The following CYTH1 variants were observed in gnomAD, a reference collection of about 807,000 sequenced individuals.
CYTH1 encodes cytohesin 1, also known as cytohesin-1.
CYTH1 carries 18 observed loss-of-function variants against 61.8 expected under a neutral mutation model. The ratio of observed to expected loss-of-function variants is 0.29; its 90% confidence interval spans 0.20 to 0.43. The LOEUF is 0.43. CYTH1 is among the 20% of genes least tolerant of loss of function. The pLI is 1.00. For missense variants in CYTH1, 336 were observed against 510.5 expected, an observed-to-expected ratio of 0.66 and a Z score of 3.29; for synonymous variants, 174 against 184.3, an observed-to-expected ratio of 0.94 and a Z score of 0.45.
chr17:78,718,952 G>A (rs2093205656), intron 1 of CYTH1, among the ~76,000 whole-genome samples: 2 of 152,218 alleles, frequency 1.3e-5, no homozygotes, highest in Non-Finnish European at 2.9e-5. Context: ...TGCCTACTAG[G>A]TGGAAGGCAG....
intron 1 of CYTH1, among the ~76,000 whole-genome samples, chr17:78,734,413 TGTAC>T (rs758285818): frequency 5.9e-5 from 2 of 33,840 alleles, no homozygotes; most frequent in Non-Finnish European, 5.5e-5. Flanking sequence ...AATGTACCAA[TGTAC>T]CAGGTAAAAA....
At chr17:78,762,279 T>C (rs1326035895) in intron 1 of CYTH1, among the ~76,000 whole-genome samples, 1 of 152,176 alleles carries the variant, frequency 6.6e-6, no homozygotes. Context: ...CAGCAGAATA[T>C]AGAGTGGAAA....
intron 1 of CYTH1, among the ~76,000 whole-genome samples, chr17:78,774,466 T>C (rs544445104): frequency 2.0e-5 from 3 of 152,276 alleles, no homozygotes; most frequent in Admixed American, 6.5e-5. Flanking sequence ...TGGTTTCTGT[T>C]TGAAATGGAG....
rs142007379 is a variant in CYTH1 at position 78,680,996 on chromosome 17, C to T, written c.938G>A (p.Arg313Gln). Reference sequence around the variant, plus strand: ...TGGTTTTTTGGAGTCCTCCACTTCCCGGATACTCAGATTCTCTAAAGGGAT... The same window carrying T: ...TGGTTTTTTGGAGTCCTCCACTTCCTGGATACTCAGATTCTCTAAAGGGAT... ...GIIPLENLSI[R>Q]EVEDSKKPNC... is the part of the protein sequence containing the mutation. Residue 313 changes from arginine (R) to glutamine (Q), a missense_variant, in exon 12 of 14, where the codon CGG becomes CAG. By Grantham distance (43) the Arg-to-Gln change is conservative. This residue lies in a region of CYTH1 where 83 missense variants were observed against 115.6 expected (regional missense o/e 0.72). Transcript: ENST00000446868. The T allele has an allele frequency of 1.4e-5, 23 of 1,614,104 alleles. No individual in the cohort carries two copies. The highest frequency in any genetic ancestry group is 1.9e-5 in the Non-Finnish European group (23 of 1,180,018).
chr17:78,677,135 T>C (rs534130603), intron 13 of CYTH1: 3 of 452,946 alleles, frequency 6.6e-6, no homozygotes, highest in Non-Finnish European at 1.3e-5. Flanking sequence ...ACTAGAAACA[T>C]GTCCCGATGG....
At chr17:78,772,600 C>A (rs534774244) in intron 1 of CYTH1, among the ~76,000 whole-genome samples, 1 of 152,130 alleles carries the variant, frequency 6.6e-6, no homozygotes, top group Non-Finnish European at 1.5e-5. Context: ...TGCAGTGGCG[C>A]GATCTCGGCT....
At chr17:78,703,487 G>A (rs1226059626) in intron 3 of CYTH1, among the ~76,000 whole-genome samples, 2 of 148,348 alleles carry the variant, frequency 1.3e-5, no homozygotes, top group Admixed American at 6.7e-5. Flanking sequence ...GTACATATTT[G>A]AATTTTTAGT....
chr17:78,684,586 T>G (rs779072975), intron 11 of CYTH1, among the ~76,000 whole-genome samples: 13 of 152,242 alleles, frequency 8.5e-5, no homozygotes, highest in Non-Finnish European at 1.8e-4. Flanking sequence ...TATAAAGAAC[T>G]AAATATTGTA....
chr17:78,702,689 C>T (rs1228563219), intron 3 of CYTH1, 85 bp from the exon 4 acceptor site: 5 of 1,413,706 alleles, frequency 3.5e-6, no homozygotes, highest in African/African-American at 1.4e-5. Context: ...CTGATTTACA[C>T]AGGTTTTTGA....
intron 1 of CYTH1, among the ~76,000 whole-genome samples, chr17:78,778,887 C>T (rs1036952926): frequency 1.3e-5 from 2 of 152,122 alleles, no homozygotes; most frequent in African/African-American, 2.4e-5. Context: ...CACACATTTC[C>T]TTTTACAATG....
At chr17:78,684,208 T>C (rs1451589563) in intron 11 of CYTH1, among the ~76,000 whole-genome samples, 1 of 152,214 alleles carries the variant, frequency 6.6e-6, no homozygotes, top group East Asian at 1.9e-4. Flanking sequence ...CTCCTCGCTC[T>C]TCTCAGCACA....
intron 1 of CYTH1, among the ~76,000 whole-genome samples, chr17:78,781,010 A>AAAAAT (rs750463897): frequency 1.7e-4 from 26 of 151,852 alleles, no homozygotes; most frequent in Non-Finnish European, 2.5e-4. Context: ...ACTCCGTTTC[A>AAAAAT]AAAATAAAAT....
At chr17:78,737,237 C>G (rs1489326123) in intron 1 of CYTH1, among the ~76,000 whole-genome samples, 1 of 152,190 alleles carries the variant, frequency 6.6e-6, no homozygotes, top group Non-Finnish European at 1.5e-5. Context: ...ATAAGCTACA[C>G]AAATCCACTC....
chr17:78,747,383 G>A lies in CYTH1; in HGVS notation c.22+34819C>T, dbSNP rs76098480. Among the ~76,000 whole-genome samples, 888 of 152,180 alleles carry A rather than the reference G, an allele frequency of 5.8e-3. 38 individuals are homozygous for A. In the East Asian group the frequency reaches 0.11, roughly 19 times the overall value. Reference sequence around the variant, plus strand: ...TGGGGAGACTCAAATACTGCACTGCGGTCCCAATCTTGAAGGATCTAGAGG... The same window carrying A: ...TGGGGAGACTCAAATACTGCACTGCAGTCCCAATCTTGAAGGATCTAGAGG... On this transcript the variant is annotated intron_variant, in intron 1 of 13. Transcript: ENST00000446868.
At chr17:78,712,141 G>C (rs2093139629) in intron 1 of CYTH1, among the ~76,000 whole-genome samples, 1 of 90,920 alleles carries the variant, frequency 1.1e-5, no homozygotes, top group African/African-American at 4.2e-5. Flanking sequence ...AGGAAGGAAG[G>C]GAAGGAGGAA....
At chr17:78,732,508 T>C (rs760551872) in intron 1 of CYTH1, among the ~76,000 whole-genome samples, 2 of 152,224 alleles carry the variant, frequency 1.3e-5, no homozygotes, top group African/African-American at 4.8e-5. Flanking sequence ...GGAAAGCCTA[T>C]AAAATTCAAA....
At chr17:78,748,066 G>A (rs1291326459) in intron 1 of CYTH1, among the ~76,000 whole-genome samples, 1 of 151,856 alleles carries the variant, frequency 6.6e-6, no homozygotes, top group African/African-American at 2.4e-5. Flanking sequence ...CTACTTTTCT[G>A]AACCCTACCC....
chr17:78,746,669 T>C (rs568215650), intron 1 of CYTH1, among the ~76,000 whole-genome samples: 1 of 152,330 alleles, frequency 6.6e-6, no homozygotes, highest in African/African-American at 2.4e-5. Context: ...AGGCCAGGTG[T>C]GATGGCTCGT....
At chr17:78,698,197 G>GCA (rs950622736) in intron 9 of CYTH1, 72 bp downstream of exon 9, 1 of 1,233,348 alleles carries the variant, frequency 8.1e-7, no homozygotes, top group African/African-American at 1.5e-5. Context: ...ACGCACGCAC[G>GCA]CACACACGCA....
Sources: gnomAD v4.1 joint callset for allele counts (sites outside exome capture counted in the v4.1 genomes callset) on GRCh38, gnomAD v4.1.1 for gene constraint, gnomAD v4.1.1 regional missense constraint, MANE v1.5 for transcripts, NCBI Gene and HGNC (gene_info 2026-07-23, HGNC 2026-07-21) for gene names.